The following LYRM4 variants were observed in gnomAD, a reference collection of about 807,000 sequenced individuals.
The protein encoded by LYRM4 is LYR motif-containing protein 4.
In LYRM4, 9 loss-of-function variants were observed where a neutral mutation model predicts 11.7. That is an observed-to-expected ratio of 0.77 (90% CI 0.46 to 1.34). The LOEUF is 1.34. Among genes scored for constraint, LYRM4 ranks in the 40% most tolerant of loss-of-function variants. The pLI is 0.00. For synonymous variants in LYRM4, 42 were observed against 40.4 expected (o/e 1.04, Z -0.15); for missense variants, 133 against 112.5 (o/e 1.18, Z -0.82).
intron 2 of LYRM4, among the ~76,000 whole-genome samples, chr6:5,110,599 C>T (rs1003137200): frequency 1.3e-4 from 19 of 151,896 alleles, no homozygotes; most frequent in African/African-American, 3.2e-4. Flanking sequence ...GAGAGCAGCA[C>T]GTCATCTAAG....
chr6:5,225,212 C>T (rs563842473), intron 1 of LYRM4, among the ~76,000 whole-genome samples: 16 of 146,040 alleles, frequency 1.1e-4, no homozygotes, highest in East Asian at 4.0e-4. Flanking sequence ...TGCGCCACTG[C>T]GCTCCAGCCT....
At chr6:5,123,485 A>T (rs1763557977) in intron 2 of LYRM4, among the ~76,000 whole-genome samples, 1 of 152,212 alleles carries the variant, frequency 6.6e-6, no homozygotes, top group Non-Finnish European at 1.5e-5. Context: ...GAGTATACGT[A>T]TAAGCACTTC....
At chr6:5,126,095 CAG>C (rs1050272452) in intron 2 of LYRM4, among the ~76,000 whole-genome samples, 9 of 152,338 alleles carry the variant, frequency 5.9e-5, no homozygotes, top group African/African-American at 2.2e-4. Flanking sequence ...TAGAAAGCTG[CAG>C]AGTTTACCAC....
At chr6:5,155,951 T>C (rs1312153237) in intron 2 of LYRM4, among the ~76,000 whole-genome samples, 1 of 152,214 alleles carries the variant, frequency 6.6e-6, no homozygotes, top group Admixed American at 6.5e-5. Flanking sequence ...TGAGATATGT[T>C]TGGAGGCAGG....
chr6:5,062,864 G>A, the LYRM4 span, among the ~76,000 whole-genome samples: 1 of 152,138 alleles, frequency 6.6e-6, no homozygotes, highest in African/African-American at 2.4e-5. Flanking sequence ...TGCAACCATT[G>A]GATTTGGAGC....
intron 2 of LYRM4, among the ~76,000 whole-genome samples, chr6:5,185,682 C>T (rs1760347360): frequency 6.6e-6 from 1 of 152,174 alleles, no homozygotes; most frequent in Non-Finnish European, 1.5e-5. Context: ...TGGTTAGTGG[C>T]AGAGATCTGA....
chr6:5,066,577 A>C, the LYRM4 span: 3 of 984,276 alleles, frequency 3.0e-6, no homozygotes, highest in South Asian at 2.6e-5. Context: ...TTTTTTCCTA[A>C]GGACTCCAAA....
chr6:5,177,074 T>C (rs1759760834), intron 2 of LYRM4, among the ~76,000 whole-genome samples: 1 of 152,078 alleles, frequency 6.6e-6, no homozygotes, highest in African/African-American at 2.4e-5. Context: ...AGAATGCCAA[T>C]AGGAAGGGAA....
At chr6:5,216,533 C>T (rs1762280733) in intron 2 of LYRM4, 85 bp downstream of exon 2, 1 of 1,530,980 alleles carries the variant, frequency 6.5e-7, no homozygotes. Flanking sequence ...ATCACCAACA[C>T]CAAAAGCACG....
chr6:5,191,741 T>C (rs1186723349), intron 2 of LYRM4, among the ~76,000 whole-genome samples: 2 of 152,214 alleles, frequency 1.3e-5, no homozygotes, highest in African/African-American at 4.8e-5. Flanking sequence ...GGAACAGATT[T>C]ATTAATTACA....
chr6:5,092,396 T>C, the LYRM4 span, among the ~76,000 whole-genome samples: 2 of 152,128 alleles, frequency 1.3e-5, no homozygotes, highest in African/African-American at 2.4e-5. Context: ...AGAAACTTTT[T>C]CTTCCCATAC....
the LYRM4 span, among the ~76,000 whole-genome samples, chr6:5,056,619 C>T: frequency 2.0e-5 from 3 of 152,212 alleles, no homozygotes; most frequent in African/African-American, 7.2e-5. Context: ...ACATTTGTTT[C>T]AATGCTGATC....
intron 2 of LYRM4, among the ~76,000 whole-genome samples, chr6:5,113,790 C>T (rs2127595819): frequency 6.6e-6 from 1 of 151,714 alleles, no homozygotes; most frequent in East Asian, 1.9e-4. Flanking sequence ...TGGTCTTGAA[C>T]TCCTGGGCTT....
Position 5,260,842 on chromosome 6 carries a change from G to T in LYRM4, c.-109C>A. ...AACCACGAACGAAATAAAATGCTGC[G>T]GCTCGGCTTTGCCAGCGGGCCGGGC... On this transcript the variant is annotated 5_prime_UTR_variant, in exon 1 of 3. Transcript: ENST00000330636. 6.6e-7 allele frequency: 1 copy of T among 1,506,178 alleles called. No homozygotes were observed. Among genetic ancestry groups the T allele is most frequent in the South Asian group, 1.2e-5 (1 of 80,170 alleles). The allele number at this position is 1,506,178 out of a possible 1,614,324, so 93.3% of individuals were successfully genotyped here.
downstream of LYRM4, chr6:5,107,547 G>T: frequency 6.6e-6 from 1 of 152,384 alleles, no homozygotes; most frequent in Non-Finnish European, 1.5e-5. Context: ...TCTGCCCCGT[G>T]ACAGTCAGCT....
At chr6:5,086,521 AACTACACGCTGC>A in the LYRM4 span, 2 of 1,534,042 alleles carry the variant, frequency 1.3e-6, no homozygotes, top group South Asian at 1.2e-5. Flanking sequence ...CGCGGGCGCC[AACTACACGCTGC>A]GCTACGCGCG....
chr6:5,195,528 G>A (rs2127697332), intron 2 of LYRM4, among the ~76,000 whole-genome samples: 1 of 152,288 alleles, frequency 6.6e-6, no homozygotes, highest in South Asian at 2.1e-4. Context: ...CAGCTACTCA[G>A]GAGGCTGAGG....
At chr6:5,071,934 C>T in the LYRM4 span, among the ~76,000 whole-genome samples, 40 of 152,236 alleles carry the variant, frequency 2.6e-4, no homozygotes, top group African/African-American at 7.9e-4. Flanking sequence ...TGTGAGGCAC[C>T]ACACCTGGCT....
the LYRM4 span, among the ~76,000 whole-genome samples, chr6:5,062,259 TATTA>T: frequency 0.22 from 32,107 of 146,804 alleles, 4,284 homozygotes; most frequent in African/African-American, 0.38. Flanking sequence ...AATTAATATA[TATTA>T]ATTATATATT....
Sources: gnomAD v4.1 joint callset for allele counts (sites outside exome capture counted in the v4.1 genomes callset) on GRCh38, gnomAD v4.1.1 for gene constraint, MANE v1.5 for transcripts, NCBI Gene and HGNC (gene_info 2026-07-23, HGNC 2026-07-21) for gene names.